MACROD2: variants seen among roughly 807,000 people sequenced by gnomAD.
MACROD2 encodes mono-ADP ribosylhydrolase 2.
A neutral mutation model predicts 70.4 loss-of-function variants in MACROD2; 36 were observed. The observed-to-expected ratio is 0.51, with a 90% CI of 0.39 to 0.68. The LOEUF (loss-of-function observed/expected upper bound fraction) is 0.68. Ranked by LOEUF, MACROD2 falls within the 30% of genes least tolerant of loss-of-function variation. MACROD2 has a pLI of 0.00. For missense variants in MACROD2, 496 were observed against 538.4 expected (o/e 0.92, Z 0.78); for synonymous variants, 172 against 178.8 (o/e 0.96, Z 0.30).
At chr20:14,883,312 C>T (rs2073632097) in intron 5 of MACROD2, among the ~76,000 whole-genome samples, 1 of 152,094 alleles carries the variant, frequency 6.6e-6, no homozygotes, top group Non-Finnish European at 1.5e-5. Context: ...ATAATTTGAA[C>T]ATTATGTCTA....
At chr20:15,466,634 T>C (rs989932148) in intron 7 of MACROD2, among the ~76,000 whole-genome samples, 10 of 152,238 alleles carry the variant, frequency 6.6e-5, no homozygotes, top group African/African-American at 2.4e-4. Flanking sequence ...TCCAGTCTGA[T>C]TTCTCTCTAA....
chr20:16,002,275 T>A (rs1380538951), intron 15 of MACROD2, among the ~76,000 whole-genome samples: 5 of 152,172 alleles, frequency 3.3e-5, no homozygotes, highest in Admixed American at 3.3e-4. Flanking sequence ...TTACTGTTTT[T>A]AATTGCCTGG....
At chr20:15,452,848 A>G (rs184217260) in intron 7 of MACROD2, among the ~76,000 whole-genome samples, 1 of 152,290 alleles carries the variant, frequency 6.6e-6, no homozygotes, top group Non-Finnish European at 1.5e-5. Context: ...AACTGAGTAT[A>G]AAGAAGTATA....
intron 6 of MACROD2, among the ~76,000 whole-genome samples, chr20:15,364,074 G>GTGAGCC (rs940878125): frequency 2.0e-5 from 3 of 152,278 alleles, no homozygotes; most frequent in African/African-American, 7.2e-5. Context: ...ATTTCCAGAT[G>GTGAGCC]TGAGCCTGAC....
intron 5 of MACROD2, among the ~76,000 whole-genome samples, chr20:14,746,580 G>T (rs139372474): frequency 6.6e-6 from 1 of 152,034 alleles, no homozygotes; most frequent in East Asian, 1.9e-4. Flanking sequence ...TATCACCCAC[G>T]CATTTCATTC....
chr20:14,626,574 G>T (rs948674500), intron 4 of MACROD2, among the ~76,000 whole-genome samples: 7 of 152,202 alleles, frequency 4.6e-5, no homozygotes, highest in Non-Finnish European at 1.0e-4. Context: ...CTAACACAGG[G>T]AATGCTGCCA....
chr20:14,021,093 C>T (rs2053071924), intron 2 of MACROD2, among the ~76,000 whole-genome samples: 1 of 151,352 alleles, frequency 6.6e-6, no homozygotes, highest in Non-Finnish European at 1.5e-5. Flanking sequence ...AGGTTCACAC[C>T]ATTCTCCTGC....
At chr20:15,767,198 TTTCTC>T (rs1479167588) in intron 8 of MACROD2, among the ~76,000 whole-genome samples, 1 of 152,250 alleles carries the variant, frequency 6.6e-6, no homozygotes, top group Non-Finnish European at 1.5e-5. Context: ...GATTTTATGT[TTTCTC>T]TTTCGGTTTT....
intron 8 of MACROD2, among the ~76,000 whole-genome samples, chr20:15,734,300 G>A (rs1280850747): frequency 6.6e-6 from 1 of 152,140 alleles, no homozygotes. Context: ...GCAAATAGGA[G>A]TACCTTAGGT....
intron 8 of MACROD2, among the ~76,000 whole-genome samples, chr20:15,736,901 C>T (rs901959993): frequency 6.6e-6 from 1 of 152,130 alleles, no homozygotes; most frequent in Non-Finnish European, 1.5e-5. Context: ...ATAAAAGTCA[C>T]AAAAGATTTT....
At chr20:16,035,211 A>G (rs927474223) in intron 15 of MACROD2, among the ~76,000 whole-genome samples, 3 of 142,078 alleles carry the variant, frequency 2.1e-5, no homozygotes, top group Non-Finnish European at 4.6e-5. Flanking sequence ...ATAAAATATT[A>G]TATATTATAT....
At chr20:15,749,128 TTG>T (rs1284679421) in intron 8 of MACROD2, among the ~76,000 whole-genome samples, 10 of 152,152 alleles carry the variant, frequency 6.6e-5, no homozygotes, top group Non-Finnish European at 1.2e-4. Flanking sequence ...GATTAATAAT[TTG>T]TCTGTTTTAA....
chr20:15,499,562 T>G (rs1373726492), intron 7 of MACROD2, among the ~76,000 whole-genome samples: 2 of 152,226 alleles, frequency 1.3e-5, no homozygotes, highest in Non-Finnish European at 2.9e-5. Context: ...GTCTTTTTGT[T>G]TTTTAAACTC....
At chr20:14,531,869 A>G (rs2085309338) in intron 4 of MACROD2, among the ~76,000 whole-genome samples, 1 of 152,164 alleles carries the variant, frequency 6.6e-6, no homozygotes, top group Admixed American at 6.5e-5. Context: ...AAGGAGTAAC[A>G]AATCCTGGTG....
intron 3 of MACROD2, among the ~76,000 whole-genome samples, chr20:14,232,103 C>T (rs536032987): frequency 6.6e-6 from 1 of 152,194 alleles, no homozygotes; most frequent in Admixed American, 6.5e-5. Context: ...CCTGTTCACT[C>T]TGATGGTAGT....
At chr20:15,797,494 C>T (rs1316924789) in intron 8 of MACROD2, among the ~76,000 whole-genome samples, 3 of 151,720 alleles carry the variant, frequency 2.0e-5, no homozygotes, top group African/African-American at 7.3e-5. Flanking sequence ...GCATCACAAG[C>T]CAAAAAGAGC....
At chr20:14,141,571 C>T (rs1484794608) in intron 3 of MACROD2, among the ~76,000 whole-genome samples, 1 of 151,532 alleles carries the variant, frequency 6.6e-6, no homozygotes, top group Non-Finnish European at 1.5e-5. Flanking sequence ...CATGGTGAAA[C>T]CCCATCTCTA....
chr20:14,933,401 T>C (rs753461487), intron 5 of MACROD2, among the ~76,000 whole-genome samples: 1 of 152,142 alleles, frequency 6.6e-6, no homozygotes, highest in Non-Finnish European at 1.5e-5. Context: ...AGTTTTTGGC[T>C]GGGTGTTGTG....
intron 3 of MACROD2, among the ~76,000 whole-genome samples, chr20:14,210,691 T>G (rs2081563595): frequency 6.6e-6 from 1 of 152,218 alleles, no homozygotes; most frequent in African/African-American, 2.4e-5. Flanking sequence ...TATTTTGTTT[T>G]GTATCCACTG....
Sources: gnomAD v4.1 joint callset for allele counts (sites outside exome capture counted in the v4.1 genomes callset) on GRCh38, gnomAD v4.1.1 for gene constraint, MANE v1.5 for transcripts, NCBI Gene and HGNC (gene_info 2026-07-23, HGNC 2026-07-21) for gene names.